The following GPC6 variants were observed in gnomAD, a reference collection of about 807,000 sequenced individuals.
GPC6 encodes the protein glypican 6, also known as glypican-6.
In GPC6, 14 loss-of-function variants were observed where a neutral mutation model predicts 55.2. The ratio of observed to expected loss-of-function variants is 0.25; its 90% CI spans 0.17 to 0.40. The LOEUF (loss-of-function observed/expected upper bound fraction) is 0.40, where lower values mean the gene tolerates loss of function less well. GPC6 is among the 10% of genes least tolerant of loss of function. The probability of loss-of-function intolerance (pLI) is 1.00; values close to 1 mark genes in which losing one functional copy is unlikely to be tolerated. For missense variants in GPC6, 641 were observed against 708.5 expected, an observed-to-expected ratio of 0.90 and a Z score of 1.08; for synonymous variants, 278 against 259.6, an observed-to-expected ratio of 1.07 and a Z score of -0.68.
Position 93,388,314 on chromosome 13 carries a change from T to C in GPC6, c.161-156949T>C, listed in dbSNP as rs574467816. ...TGTTACCTCAAGCCTATTGCGTTCC[T>C]GAGACCTGAAGCATCTTTCTGGGTC... is the stretch of plus-strand genomic sequence containing the variant. On this transcript the variant is annotated intron_variant, in intron 1 of 8. Transcript: ENST00000377047. Among the ~76,000 whole-genome samples the C allele has an allele frequency of 1.1e-4, 17 of 152,340 alleles. 1 individual carries two copies. The highest frequency in any genetic ancestry group is 3.6e-4 in the African/African-American group (15 of 41,590).
intron 3 of GPC6, among the ~76,000 whole-genome samples, chr13:93,871,750 T>C (rs1012856228): frequency 1.3e-5 from 2 of 151,976 alleles, no homozygotes; most frequent in African/African-American, 4.8e-5. Flanking sequence ...AAGTCACCAT[T>C]ACCAGTACAA....
chr13:94,343,123 G>T (rs1299813663), intron 6 of GPC6, among the ~76,000 whole-genome samples: 1 of 152,196 alleles, frequency 6.6e-6, no homozygotes, highest in African/African-American at 2.4e-5. Context: ...TAGCAACGAG[G>T]TGTCTATCAC....
chr13:93,982,431 A>G (rs1880848515), intron 3 of GPC6, among the ~76,000 whole-genome samples: 1 of 152,144 alleles, frequency 6.6e-6, no homozygotes, highest in South Asian at 2.1e-4. Context: ...AGACCGAGGG[A>G]AAGGTCACAG....
At chr13:93,253,696 G>C (rs1842159656) in intron 1 of GPC6, among the ~76,000 whole-genome samples, 1 of 152,092 alleles carries the variant, frequency 6.6e-6, no homozygotes. Context: ...TTAATATGGA[G>C]GCTACATTCC....
chr13:93,374,732 T>G (rs1337926388), intron 1 of GPC6, among the ~76,000 whole-genome samples: 1 of 152,236 alleles, frequency 6.6e-6, no homozygotes, highest in Non-Finnish European at 1.5e-5. Context: ...AAGCAATTAC[T>G]ACTATGGTAG....
At chr13:94,272,023 T>TA (rs1371376094) in intron 4 of GPC6, among the ~76,000 whole-genome samples, 4 of 152,140 alleles carry the variant, frequency 2.6e-5, no homozygotes, top group Admixed American at 6.5e-5. Flanking sequence ...GTGTTTTTTT[T>TA]ATTTTTGTTT....
At chr13:94,254,187 G>T (rs1285561282) in intron 4 of GPC6, among the ~76,000 whole-genome samples, 3 of 152,078 alleles carry the variant, frequency 2.0e-5, no homozygotes. Flanking sequence ...GCATGTACTG[G>T]CCTTTCTTCC....
intron 4 of GPC6, among the ~76,000 whole-genome samples, chr13:94,028,312 A>T (rs909923378): frequency 1.3e-5 from 2 of 152,094 alleles, no homozygotes; most frequent in African/African-American, 4.8e-5. Context: ...GATGGTTTTT[A>T]AAACCATGTT....
At chr13:93,996,796 G>T (rs148940619) in intron 3 of GPC6, among the ~76,000 whole-genome samples, 2 of 152,184 alleles carry the variant, frequency 1.3e-5, no homozygotes, top group East Asian at 3.9e-4. Context: ...GTTTTTCTAT[G>T]ATATTTATTT....
intron 1 of GPC6, among the ~76,000 whole-genome samples, chr13:93,354,999 G>A (rs946010913): frequency 1.1e-4 from 16 of 152,076 alleles, no homozygotes; most frequent in African/African-American, 3.6e-4. Context: ...GAGCTCTTTT[G>A]TTCACAAAGC....
At chr13:93,332,239 A>G (rs79951601) in intron 1 of GPC6, among the ~76,000 whole-genome samples, 4,056 of 151,584 alleles carry the variant, frequency 0.027, 185 homozygotes, top group African/African-American at 0.091. Context: ...GGATTGCTAA[A>G]TAATATGGTA....
intron 1 of GPC6, among the ~76,000 whole-genome samples, chr13:93,427,114 G>A (rs1467686518): frequency 1.3e-5 from 2 of 150,452 alleles, no homozygotes; most frequent in African/African-American, 2.4e-5. Flanking sequence ...ATTTGTTTGA[G>A]TTCATTGTAG....
chr13:93,749,708 A>G (rs972090797), intron 2 of GPC6, among the ~76,000 whole-genome samples: 1 of 152,126 alleles, frequency 6.6e-6, no homozygotes, highest in Non-Finnish European at 1.5e-5. Flanking sequence ...GAACAACCCC[A>G]GGGAAAAAAG....
At chr13:94,130,073 T>C (rs746247920) in intron 4 of GPC6, among the ~76,000 whole-genome samples, 11 of 152,196 alleles carry the variant, frequency 7.2e-5, no homozygotes, top group Non-Finnish European at 1.5e-4. Flanking sequence ...GAGCAAGATA[T>C]ATTTAATGCT....
chr13:93,634,492 G>A lies in GPC6; in HGVS notation c.319+89071G>A, dbSNP rs149830918. ...CAAGTTATAGAAAACCCTATTAAAC[G>A]GTGGTTTAAACAAATTTGACTTTTT... On this transcript the variant is annotated intron_variant, in intron 2 of 8. Coordinates refer to ENST00000377047, the MANE Select transcript of GPC6 (RefSeq NM_005708.5). Among the ~76,000 whole-genome samples, 109 of 152,250 alleles carry A rather than the reference G, an allele frequency of 7.2e-4. 1 individual carries two copies. The highest frequency in any genetic ancestry group is 2.4e-3 in the African/African-American group (100 of 41,544).
intron 2 of GPC6, among the ~76,000 whole-genome samples, chr13:93,791,985 G>A (rs1018926688): frequency 6.6e-6 from 1 of 152,190 alleles, no homozygotes; most frequent in Non-Finnish European, 1.5e-5. Flanking sequence ...AATTTTTGAA[G>A]ATTTTTTTTC....
chr13:93,832,336 T>A (rs1887552938), intron 3 of GPC6, among the ~76,000 whole-genome samples: 1 of 151,326 alleles, frequency 6.6e-6, no homozygotes, highest in Admixed American at 6.6e-5. Context: ...TGCATTTTGT[T>A]GTAAAATAAG....
chr13:94,341,703 A>G (rs1294515770), intron 6 of GPC6, among the ~76,000 whole-genome samples: 1 of 152,220 alleles, frequency 6.6e-6, no homozygotes, highest in South Asian at 2.1e-4. Flanking sequence ...ATTTTTTAAA[A>G]TTCAAAGGAA....
chr13:93,744,982 A>G (rs1380973103), intron 2 of GPC6, among the ~76,000 whole-genome samples: 1 of 150,964 alleles, frequency 6.6e-6, no homozygotes, highest in Non-Finnish European at 1.5e-5. Context: ...CCTTCTCTCC[A>G]TTTCCTCCTC....
Sources: allele counts gnomAD v4.1 joint callset (sites outside exome capture counted in the v4.1 genomes callset), GRCh38; gene constraint gnomAD v4.1.1; transcripts MANE v1.5; gene names NCBI Gene and HGNC (gene_info 2026-07-23, HGNC 2026-07-21).